Variants in LHFPL6 observed in about 807,000 individuals in gnomAD.
LHFPL6 encodes the protein LHFPL tetraspan subfamily member 6, also known as LHFPL tetraspan subfamily member 6 protein.
LHFPL6 carries 9 observed loss-of-function variants against 20.6 expected under a neutral mutation model. That is an observed-to-expected ratio of 0.44 (90% CI 0.26 to 0.76). LHFPL6 has a LOEUF of 0.76. Ranked by LOEUF, LHFPL6 falls within the 30% of genes least tolerant of loss-of-function variation. LHFPL6 has a pLI of 0.20. For missense variants in LHFPL6, 218 were observed against 253.5 expected (o/e 0.86, Z 0.95); for synonymous variants, 105 against 98.7 (o/e 1.06, Z -0.38).
intron 2 of LHFPL6, among the ~76,000 whole-genome samples, chr13:39,455,959 C>G (rs1364345728): frequency 6.6e-6 from 1 of 152,136 alleles, no homozygotes; most frequent in Non-Finnish European, 1.5e-5. Flanking sequence ...GTCATCAAAA[C>G]AGGACACAAA....
chr13:39,461,782 A>T (rs191926278), intron 2 of LHFPL6, among the ~76,000 whole-genome samples: 101 of 152,310 alleles, frequency 6.6e-4, no homozygotes, highest in Non-Finnish European at 8.5e-4. Flanking sequence ...CTGCTGAAGT[A>T]TTTGCATTAA....
At chr13:39,481,472 T>C (rs112006549) in intron 2 of LHFPL6, among the ~76,000 whole-genome samples, 4,251 of 152,262 alleles carry the variant, frequency 0.028, 181 homozygotes, top group African/African-American at 0.096. Flanking sequence ...ACGATAGGCA[T>C]ATGTAATGGA....
chr13:39,485,968 G>A (rs1170955955), intron 2 of LHFPL6, among the ~76,000 whole-genome samples: 1 of 152,060 alleles, frequency 6.6e-6, no homozygotes, highest in Non-Finnish European at 1.5e-5. Flanking sequence ...CAACCTCCAA[G>A]ATAAGTATTA....
intron 2 of LHFPL6, among the ~76,000 whole-genome samples, chr13:39,425,651 C>T (rs1871617748): frequency 6.6e-6 from 1 of 152,126 alleles, no homozygotes; most frequent in African/African-American, 2.4e-5. Context: ...ATCTTATATG[C>T]TTATTTGCTG....
intron 2 of LHFPL6, among the ~76,000 whole-genome samples, chr13:39,505,863 A>G (rs1290178002): frequency 6.6e-6 from 1 of 152,240 alleles, no homozygotes; most frequent in African/African-American, 2.4e-5. Context: ...CATTTTGTCT[A>G]TATTACAAAT....
At chr13:39,400,782 CAAAAAAAAAAAAAA>C (rs34833321) in intron 2 of LHFPL6, among the ~76,000 whole-genome samples, 5 of 53,494 alleles carry the variant, frequency 9.3e-5, no homozygotes, top group African/African-American at 1.8e-4. Context: ...GACTCCGTCT[CAAAAAAAAAAAAAA>C]AAAAAAAAAA....
At chr13:39,444,272 TA>T (rs1301195287) in intron 2 of LHFPL6, among the ~76,000 whole-genome samples, 1 of 152,190 alleles carries the variant, frequency 6.6e-6, no homozygotes, top group Non-Finnish European at 1.5e-5. Flanking sequence ...ATGGAATTTA[TA>T]ATTAAAACGA....
At chr13:39,510,872 AT>A (rs71245386) in intron 2 of LHFPL6, among the ~76,000 whole-genome samples, 61,146 of 150,438 alleles carry the variant, frequency 0.41, 14,372 homozygotes, top group East Asian at 0.57. Flanking sequence ...ATTACTTTAA[AT>A]TTTTTTTTTT....
chr13:39,421,176 A>G (rs1284115507), intron 2 of LHFPL6, among the ~76,000 whole-genome samples: 1 of 152,220 alleles, frequency 6.6e-6, no homozygotes, highest in Non-Finnish European at 1.5e-5. Flanking sequence ...AAGCCTTCCC[A>G]TCATGGAGAA....
At chr13:39,363,202 G>A (rs1869922609) in intron 3 of LHFPL6, among the ~76,000 whole-genome samples, 2 of 152,194 alleles carry the variant, frequency 1.3e-5, no homozygotes, top group African/African-American at 4.8e-5. Flanking sequence ...AAGGCAGAAG[G>A]GATGGGAGGC....
chr13:39,504,114 A>G (rs1044201559), intron 2 of LHFPL6, among the ~76,000 whole-genome samples: 4 of 152,232 alleles, frequency 2.6e-5, no homozygotes, highest in African/African-American at 9.6e-5. Flanking sequence ...GGCATCAGTG[A>G]GTCACCGGAA....
chr13:39,485,858 T>C (rs933127489), intron 2 of LHFPL6, among the ~76,000 whole-genome samples: 2 of 152,240 alleles, frequency 1.3e-5, no homozygotes, highest in African/African-American at 2.4e-5. Flanking sequence ...TGTGCCATTA[T>C]TATTGTTAGT....
rs141233364 is a variant in LHFPL6, at chr13:39,393,081, T to C, written c.386-14555A>G. ...ATACAGGAAATGTGCATAGGTTATA[T>C]GCAAATACGGTGCCATTTTACATGA... is the stretch of plus-strand genomic sequence containing the variant. On this transcript the variant is annotated intron_variant, in intron 2 of 3. Transcript: ENST00000379589. Among the ~76,000 whole-genome samples the C allele has an allele frequency of 1.4e-3, 211 of 152,324 alleles. 1 individual carries two copies. The highest frequency in any genetic ancestry group is 2.0e-3 in the Non-Finnish European group (136 of 68,028).
At position 39,355,975 on chromosome 13, in the gene LHFPL6, C is replaced by T. The variant is rs549117545; in HGVS notation, c.485-11921G>A. ...ATCCCACTGACAGTGTTAGGCAGATCATTAAGGCAGAAAACCAAAAAAAGA... is the reference window on the plus strand; with the variant it reads ...ATCCCACTGACAGTGTTAGGCAGATTATTAAGGCAGAAAACCAAAAAAAGA... On this transcript the variant is annotated intron_variant, in intron 3 of 3. Coordinates refer to ENST00000379589, the MANE Select transcript of LHFPL6 (RefSeq NM_005780.3). 3.4e-3 allele frequency among the ~76,000 whole-genome samples: 525 copies of T among 152,236 alleles called. 3 individuals are homozygous for T. Among genetic ancestry groups the T allele is most frequent in the Non-Finnish European group, 6.7e-3 (455 of 67,996 alleles).
intron 2 of LHFPL6, among the ~76,000 whole-genome samples, chr13:39,458,504 C>A (rs1872620471): frequency 6.6e-6 from 1 of 151,954 alleles, no homozygotes. Context: ...CGAGACCAGC[C>A]TGGGCTACAT....
chr13:39,592,891 A>C lies in LHFPL6; in HGVS notation c.385+7941T>G, dbSNP rs149421289. Among the ~76,000 whole-genome samples, 183 of 152,346 alleles carry C rather than the reference A, an allele frequency of 1.2e-3. 2 individuals are homozygous for C. The highest frequency in any genetic ancestry group is 7.3e-3 in the East Asian group (38 of 5,192). On this transcript the variant is annotated intron_variant, in intron 2 of 3. Transcript: ENST00000379589. ...AAAAACCGTATGATTATCTCCATAG[A>C]TGCAGGAAAGGCCTTTGAAAAAATT...
At chr13:39,561,938 T>A (rs7981205) in intron 2 of LHFPL6, among the ~76,000 whole-genome samples, 133,445 of 152,086 alleles carry the variant, frequency 0.88, 58,779 homozygotes, top group African/African-American at 0.94. Context: ...AGAGACTTTT[T>A]AAAAAATTTC....
chr13:39,531,563 A>G (rs1225027894), intron 2 of LHFPL6, among the ~76,000 whole-genome samples: 5 of 152,166 alleles, frequency 3.3e-5, no homozygotes, highest in Admixed American at 3.3e-4. Flanking sequence ...GTACAGAAGT[A>G]CCAAATTTAA....
intron 2 of LHFPL6, among the ~76,000 whole-genome samples, chr13:39,573,975 C>T (rs922104539): frequency 3.9e-5 from 6 of 152,160 alleles, no homozygotes; most frequent in Non-Finnish European, 2.9e-5. Context: ...AATGAAGTAT[C>T]TCCCAACAGA....
Sources: allele counts gnomAD v4.1 joint callset (sites outside exome capture counted in the v4.1 genomes callset), GRCh38; gene constraint gnomAD v4.1.1; transcripts MANE v1.5; gene names NCBI Gene and HGNC (gene_info 2026-07-23, HGNC 2026-07-21).